PHF19: variants seen among roughly 807,000 people sequenced by gnomAD.
The protein encoded by PHF19 is PHD finger protein 19.
In PHF19, 21 loss-of-function variants were observed where a neutral mutation model predicts 79.8. The observed-to-expected ratio is 0.26, with a 90% CI of 0.19 to 0.38. The LOEUF (loss-of-function observed/expected upper bound fraction) is 0.38, where lower values mean the gene tolerates loss of function less well. Ranked by LOEUF, PHF19 falls within the 10% of genes least tolerant of loss-of-function variation. The pLI, the probability that PHF19 is intolerant of heterozygous loss-of-function variation, is 1.00. For missense variants in PHF19, 445 were observed against 744.2 expected (o/e 0.60, Z 4.68); for synonymous variants, 273 against 296.3 (o/e 0.92, Z 0.81).
upstream of PHF19, chr9:120,877,283 G>T: frequency 1.1e-6 from 1 of 936,026 alleles, no homozygotes; most frequent in South Asian, 4.7e-5. Flanking sequence ...GGAGGGGCCG[G>T]GGCGCTCAGG....
At chr9:120,883,051 G>A (rs1456150958) in intron 1 of PHF19, among the ~76,000 whole-genome samples, 3 of 152,108 alleles carry the variant, frequency 2.0e-5, no homozygotes, top group African/African-American at 7.2e-5. Context: ...TAGAAAGCAC[G>A]GTTATTAACA....
rs1463491990 is a variant in PHF19 at position 120,866,735 on chromosome 9, G to A, written c.710+135C>T. 2 of 629,026 alleles carry A rather than the reference G, an allele frequency of 3.2e-6. No homozygotes were observed. Among genetic ancestry groups the A allele is most frequent in the Non-Finnish European group, 5.9e-6 (2 of 339,446 alleles). 39.0% of individuals were successfully genotyped at this position (629,026 alleles called of 1,614,324 possible). A position where few individuals can be genotyped will look rare whatever the true frequency, so the allele number is the denominator to read the frequency against. On this transcript the variant is annotated intron_variant, in intron 7 of 14. Transcript: ENST00000373896. This position sits in a 1 kb window ranked among gnomAD's most constrained non-coding sequence, Gnocchi z 5.2. ...GATCCCCTACCTTGAGCTGCCTCCA[G>A]TAAACAGGTAGGCATACATTGTCAC... is the stretch of plus-strand genomic sequence containing the variant.
intron 3 of PHF19, among the ~76,000 whole-genome samples, chr9:120,873,010 C>T (rs1418850473): frequency 6.6e-6 from 1 of 152,198 alleles, no homozygotes; most frequent in Non-Finnish European, 1.5e-5. Flanking sequence ...AGCCTCCCAA[C>T]CACCCTATGA....
In PHF19 at chr9:120,857,911, GTT is replaced by G. The variant is rs761376089; in HGVS notation, c.*31_*32del. On this transcript the variant is annotated 3_prime_UTR_variant, in exon 15 of 15. Coordinates refer to ENST00000373896, the MANE Select transcript of PHF19 (RefSeq NM_015651.3). ...TATGGCTTCTGCTGCTCCTCCTTTG[GTT>G]TTCAGGACCCCTGGCACCCCCGGGG... The G allele has an allele frequency of 1.4e-5, 19 of 1,375,124 alleles. No homozygotes were observed. In the East Asian group the frequency reaches 4.6e-4, roughly 33 times the overall value. The allele number at this position is 1,375,124 out of a possible 1,614,324, so 85.2% of individuals were successfully genotyped here.
chr9:120,886,915 A>T (rs1773693957), intron 1 of PHF19, among the ~76,000 whole-genome samples: 1 of 151,810 alleles, frequency 6.6e-6, no homozygotes, highest in African/African-American at 2.4e-5. Context: ...TAAAAATACA[A>T]AAAAATTAGC....
chr9:120,894,571 C>T (rs2046381039), intron 1 of PHF19, among the ~76,000 whole-genome samples: 1 of 151,998 alleles, frequency 6.6e-6, no homozygotes, highest in African/African-American at 2.4e-5. Flanking sequence ...AAGGCCGCGG[C>T]GGGAGGCCCC....
intron 14 of PHF19, among the ~76,000 whole-genome samples, chr9:120,859,030 A>G (rs902038458): frequency 6.6e-6 from 1 of 152,068 alleles, no homozygotes; most frequent in Admixed American, 6.6e-5. Flanking sequence ...GAGGCATGAG[A>G]ATCACTTGAG....
At chr9:120,884,730 A>T (rs1053706969) in intron 1 of PHF19, among the ~76,000 whole-genome samples, 4 of 148,998 alleles carry the variant, frequency 2.7e-5, no homozygotes, top group African/African-American at 1.0e-4. Flanking sequence ...CAACATGGTG[A>T]AACCAGATCT....
rs2131557972 is a variant in PHF19, at chr9:120,873,853, TG to T, written c.268+125del. The stretch of plus-strand genomic sequence containing the variant: ...ATTTGATCATCATCACAGGTGGGCT[TG>T]GGGTTCATGGTCAAGGGCAGATGCC... On this transcript the variant is annotated intron_variant, in intron 3 of 14. Coordinates refer to ENST00000373896, the MANE Select transcript of PHF19 (RefSeq NM_015651.3). 6.2e-6 allele frequency: 4 copies of T among 650,300 alleles called. No homozygotes were observed. The South Asian group carries it at 7.2e-5, about 12-fold the overall frequency. 40.3% of individuals were successfully genotyped at this position (650,300 alleles called of 1,614,324 possible). A position where few individuals can be genotyped will look rare whatever the true frequency, so the allele number is the denominator to read the frequency against.
rs545647583 is a variant in PHF19, at chr9:120,882,985, C to T, written c.43-8229G>A. On this transcript the variant is annotated intron_variant, in intron 1 of 14. Coordinates refer to the PHF19 transcript ENST00000616568. ...AGCCCATGTTTTATGGCCTGAATTT[C>T]GGGGTTGGTTTATCATGTCCTCAGC... Among the ~76,000 whole-genome samples the T allele has an allele frequency of 3.9e-5, 6 of 152,102 alleles. No individual in the cohort carries two copies. The South Asian group carries it at 6.2e-4, about 16-fold the overall frequency.
chr9:120,892,040 C>T (rs1221603044), intron 1 of PHF19, among the ~76,000 whole-genome samples: 5 of 152,302 alleles, frequency 3.3e-5, no homozygotes, highest in Admixed American at 3.3e-4. Context: ...AATTCTTGTC[C>T]TTTGGGAATG....
Position 120,866,896 on chromosome 9 carries a change from G to A in PHF19, c.684C>T (p.Leu228=), listed in dbSNP as rs778384091. 6.2e-7 allele frequency: 1 copy of A among 1,610,046 alleles called. No homozygotes were observed. Among genetic ancestry groups the A allele is most frequent in the Non-Finnish European group, 8.5e-7 (1 of 1,176,274 alleles). Residue 228 remains leucine (L), a synonymous_variant, in exon 7 of 15, where the codon CTC becomes CTT. Coordinates refer to ENST00000373896, the MANE Select transcript of PHF19 (RefSeq NM_015651.3). The surrounding 1 kb of genome is among the most constrained non-coding windows in gnomAD (Gnocchi z 5.2). ...QWFHEACTQC[L]NEPMMFGDRF... is the part of the protein sequence containing the mutation. ...GGTCTCCAAACATCATGGGCTCATT[G>A]AGGCACTGGGTGCAGGCCTCGTGGA...
In PHF19 at chr9:120,862,110, A is replaced by G. The variant is rs754546859; in HGVS notation, c.1131-105T>C. ...GGCGGGGGTCACAGCAGTTGGGGAGACAGGCTCTGAACACAGCTGCACCTT... is the reference window on the plus strand; with the variant it reads ...GGCGGGGGTCACAGCAGTTGGGGAGGCAGGCTCTGAACACAGCTGCACCTT... On this transcript the variant is annotated intron_variant, in intron 11 of 14. Coordinates refer to ENST00000373896, the MANE Select transcript of PHF19 (RefSeq NM_015651.3). The surrounding 1 kb of genome is among the most constrained non-coding windows in gnomAD (Gnocchi z 4.6). 2 of 812,486 alleles carry G rather than the reference A, an allele frequency of 2.5e-6. No homozygotes were observed. The highest frequency in any genetic ancestry group is 4.4e-6 in the Non-Finnish European group (2 of 457,868). The allele number at this position is 812,486 out of a possible 1,614,324, so 50.3% of individuals were successfully genotyped here. A position where few individuals can be genotyped will look rare whatever the true frequency, so the allele number is the denominator to read the frequency against.
chr9:120,897,993 A>G (rs1202120184), upstream of PHF19, among the ~76,000 whole-genome samples: 1 of 151,888 alleles, frequency 6.6e-6, no homozygotes, highest in Non-Finnish European at 1.5e-5. Context: ...AAAAAAAAAA[A>G]AAAAAAGAAA....
At chr9:120,868,400 CG>C (rs1284295206) in intron 6 of PHF19, 2 of 152,240 alleles carry the variant, frequency 1.3e-5, no homozygotes, top group Non-Finnish European at 2.9e-5. Context: ...ATGTGAATTA[CG>C]TAATTCATGC....
Position 120,857,049 on chromosome 9 carries a change from G to T in PHF19, c.*895C>A, listed in dbSNP as rs1476757901. ...AAGCTTGTGCGAGTGGGTGTGTATTGTCTGCTGTGTGGTGTCTGGTGGGTC... is the reference window on the plus strand; with the variant it reads ...AAGCTTGTGCGAGTGGGTGTGTATTTTCTGCTGTGTGGTGTCTGGTGGGTC... On this transcript the variant is annotated 3_prime_UTR_variant, in exon 15 of 15. Coordinates refer to ENST00000373896, the MANE Select transcript of PHF19 (RefSeq NM_015651.3). 1 of 152,442 alleles carries T rather than the reference G, an allele frequency of 6.6e-6. No individual in the cohort carries two copies. The highest frequency in any genetic ancestry group is 1.5e-5 in the Non-Finnish European group (1 of 68,180). The allele number at this position is 152,442 out of a possible 1,614,324, so 9.4% of individuals were successfully genotyped here.
At chr9:120,861,294 C>A in intron 12 of PHF19, 120 bp from the exon 13 acceptor site, 1 of 741,350 alleles carries the variant, frequency 1.3e-6, no homozygotes. Flanking sequence ...AGGGTAAGAC[C>A]ATCACCTTTA....
At chr9:120,883,991 C>G (rs985149742) in intron 1 of PHF19, among the ~76,000 whole-genome samples, 2 of 152,142 alleles carry the variant, frequency 1.3e-5, no homozygotes, top group East Asian at 3.8e-4. Context: ...TAGGATGGGT[C>G]ACTTCTCTAA....
intron 6 of PHF19, among the ~76,000 whole-genome samples, chr9:120,867,751 G>A (rs920864629): frequency 6.6e-6 from 1 of 152,230 alleles, no homozygotes; most frequent in South Asian, 2.1e-4. Flanking sequence ...GAGAGATGAA[G>A]TAGTTCAAGC....
Sources: gnomAD v4.1 joint callset for allele counts (sites outside exome capture counted in the v4.1 genomes callset) on GRCh38, gnomAD v4.1.1 for gene constraint, Gnocchi (gnomAD v3.1) non-coding constraint, MANE v1.5 for transcripts, NCBI Gene and HGNC (gene_info 2026-07-23, HGNC 2026-07-21) for gene names.